The following MARCHF10 variants were observed in gnomAD, a reference collection of about 807,000 sequenced individuals.
The protein encoded by MARCHF10 is membrane associated ring-CH-type finger 10.
Under a neutral mutation model 76.2 loss-of-function variants are expected in MARCHF10, and 64 were observed. The ratio of observed to expected loss-of-function variants is 0.84; its 90% CI spans 0.69 to 1.03. MARCHF10 has a LOEUF of 1.03. Among genes scored for constraint, MARCHF10 ranks in the 50% least tolerant of loss-of-function variants. MARCHF10 has a pLI of 0.00. For missense variants in MARCHF10, 875 were observed against 958.0 expected, an observed-to-expected ratio of 0.91 and a Z score of 1.14; for synonymous variants, 340 against 357.5, an observed-to-expected ratio of 0.95 and a Z score of 0.55.
At chr17:62,783,499 A>C (rs2092697990) in intron 3 of MARCHF10, among the ~76,000 whole-genome samples, 1 of 152,186 alleles carries the variant, frequency 6.6e-6, no homozygotes, top group African/African-American at 2.4e-5. Flanking sequence ...TTCAAAAGCT[A>C]GCAGAAGGCA....
At chr17:62,788,399 C>T in intron 3 of MARCHF10, 81 bp downstream of exon 3, 1 of 1,561,784 alleles carries the variant, frequency 6.4e-7, no homozygotes. Flanking sequence ...TTGGCTTTTT[C>T]CTACATCACA....
chr17:62,705,478 A>C (rs759468829), intron 10 of MARCHF10, 61 bp downstream of exon 10: 1 of 1,613,992 alleles, frequency 6.2e-7, no homozygotes, highest in South Asian at 1.1e-5. Flanking sequence ...CCACACAGTC[A>C]CAGAAAAAGA....
chr17:62,783,750 A>G (rs1368768466), intron 3 of MARCHF10, among the ~76,000 whole-genome samples: 1 of 152,234 alleles, frequency 6.6e-6, no homozygotes, highest in Non-Finnish European at 1.5e-5. Flanking sequence ...AAACACCTCT[A>G]TGCAAATAAA....
intron 7 of MARCHF10, 94 bp from the exon 8 acceptor site, chr17:62,722,691 G>T: frequency 9.9e-7 from 1 of 1,008,724 alleles, no homozygotes; most frequent in Non-Finnish European, 1.4e-6. Context: ...GAACTTGTGT[G>T]TGTTATGAAT....
chr17:62,764,592 G>C (rs1293980679), intron 3 of MARCHF10, among the ~76,000 whole-genome samples: 2 of 135,050 alleles, frequency 1.5e-5, no homozygotes. Flanking sequence ...GGTCGATCAA[G>C]GGACTGTGTG....
At chr17:62,798,898 A>T (rs1284774417) in intron 2 of MARCHF10, among the ~76,000 whole-genome samples, 3 of 152,214 alleles carry the variant, frequency 2.0e-5, no homozygotes, top group Non-Finnish European at 4.4e-5. Context: ...CAGGCTGGGT[A>T]CCAGCAGGAA....
intron 1 of MARCHF10, 121 bp from the exon 2 acceptor site, chr17:62,801,873 G>A (rs2093080551): frequency 1.3e-6 from 1 of 747,550 alleles, no homozygotes. Context: ...TTGTTTGAAA[G>A]GCACAGATGC....
chr17:62,787,576 G>T (rs1159096376), intron 3 of MARCHF10, among the ~76,000 whole-genome samples: 2 of 152,270 alleles, frequency 1.3e-5, no homozygotes, highest in East Asian at 1.9e-4. Context: ...TATTAGATAA[G>T]ATCTTAAACA....
intron 6 of MARCHF10, among the ~76,000 whole-genome samples, chr17:62,732,054 C>T (rs1364539053): frequency 6.6e-6 from 1 of 151,890 alleles, no homozygotes; most frequent in Non-Finnish European, 1.5e-5. Context: ...CAAATAACAA[C>T]AAATAAAAGA....
intron 3 of MARCHF10, among the ~76,000 whole-genome samples, chr17:62,778,391 A>G (rs779313182): frequency 6.6e-6 from 1 of 152,320 alleles, no homozygotes; most frequent in East Asian, 1.9e-4. Flanking sequence ...AGAGGTATCT[A>G]TCTCTCTTAT....
At chr17:62,762,409 T>C (rs979264617) in intron 3 of MARCHF10, among the ~76,000 whole-genome samples, 1 of 152,252 alleles carries the variant, frequency 6.6e-6, no homozygotes, top group Admixed American at 6.5e-5. Flanking sequence ...GAAGGTACAA[T>C]GGCAAGAAGT....
chr17:62,702,207 G>A (rs981466649), intron 10 of MARCHF10, among the ~76,000 whole-genome samples: 1 of 152,170 alleles, frequency 6.6e-6, no homozygotes, highest in African/African-American at 2.4e-5. Context: ...GGGAAAGGGA[G>A]GGAGAGCAAG....
intron 3 of MARCHF10, among the ~76,000 whole-genome samples, chr17:62,767,456 T>TG (rs1487526542): frequency 6.9e-6 from 1 of 145,788 alleles, no homozygotes; most frequent in East Asian, 2.0e-4. Flanking sequence ...TATTCTTTTT[T>TG]TTTTTTTTTT....
In MARCHF10 at chr17:62,724,996, G is replaced by A. The variant is rs1291056212; in HGVS notation, c.2046C>T (p.Ser682=). The A allele has an allele frequency of 6.2e-7, 1 of 1,611,542 alleles. No individual in the cohort carries two copies. The highest frequency in any genetic ancestry group is 1.1e-5 in the South Asian group (1 of 90,318). Reference sequence around the variant, plus strand: ...GGCACTCTTGATGAACAAACTGCAGGCTTCCCACACAGCCGCAAGGCTCCA... The same window carrying A: ...GGCACTCTTGATGAACAAACTGCAGACTTCCCACACAGCCGCAAGGCTCCA... The part of the protein sequence containing the change: ...PLLEPCGCVG[S]LQFVHQECLK... Residue 682 remains serine (S), a synonymous_variant, in exon 7 of 11, where the codon AGC becomes AGT. Transcript: ENST00000311269.
intron 6 of MARCHF10, among the ~76,000 whole-genome samples, chr17:62,734,121 T>C (rs2091155098): frequency 6.6e-6 from 1 of 151,454 alleles, no homozygotes; most frequent in African/African-American, 2.4e-5. Flanking sequence ...GAGGTGGAGG[T>C]TGCAGTGAGT....
At chr17:62,772,805 G>A (rs1478682882) in intron 3 of MARCHF10, among the ~76,000 whole-genome samples, 1 of 152,196 alleles carries the variant, frequency 6.6e-6, no homozygotes, top group Non-Finnish European at 1.5e-5. Context: ...AGCAGGACCT[G>A]TGATTTTTGT....
intron 8 of MARCHF10, among the ~76,000 whole-genome samples, chr17:62,713,655 C>G (rs1384115790): frequency 6.6e-6 from 1 of 152,232 alleles, no homozygotes; most frequent in Non-Finnish European, 1.5e-5. Flanking sequence ...GATTTGTTAA[C>G]TCAAAGAGTT....
At chr17:62,798,643 G>T (rs1038515815) in intron 2 of MARCHF10, among the ~76,000 whole-genome samples, 1 of 152,146 alleles carries the variant, frequency 6.6e-6, no homozygotes, top group African/African-American at 2.4e-5. Flanking sequence ...CCATGGGAGG[G>T]CAGGAAGCAG....
chr17:62,801,404 C>T (rs185582368), intron 2 of MARCHF10, among the ~76,000 whole-genome samples: 2,442 of 150,690 alleles, frequency 0.016, 25 homozygotes, highest in Middle Eastern at 0.071. Context: ...CCGCCCGCCT[C>T]GGCCTCCCAA....
Sources: gnomAD v4.1 joint callset for allele counts (sites outside exome capture counted in the v4.1 genomes callset) on GRCh38, gnomAD v4.1.1 for gene constraint, MANE v1.5 for transcripts, NCBI Gene and HGNC (gene_info 2026-07-23, HGNC 2026-07-21) for gene names.